FOXN4: variants seen among roughly 807,000 people sequenced by gnomAD.
FOXN4 encodes forkhead box protein N4.
FOXN4 carries 12 observed loss-of-function variants against 45.0 expected under a neutral mutation model. The ratio of observed to expected loss-of-function variants is 0.27; its 90% CI spans 0.17 to 0.43. FOXN4 has a LOEUF of 0.43. FOXN4 is among the 20% of genes least tolerant of loss of function. The pLI, the probability that FOXN4 is intolerant of heterozygous loss-of-function variation, is 1.00. For missense variants in FOXN4, 560 were observed against 694.9 expected (o/e 0.81, Z 2.18); for synonymous variants, 297 against 295.0 (o/e 1.01, Z -0.07).
intron 2 of FOXN4, among the ~76,000 whole-genome samples, chr12:109,303,672 G>A (rs1312279614): frequency 6.6e-6 from 1 of 152,204 alleles, no homozygotes; most frequent in Non-Finnish European, 1.5e-5. Context: ...GGGAGAAGGT[G>A]AGGGTCCAAG....
chr12:109,284,574 T>C (rs1369385371), intron 8 of FOXN4, among the ~76,000 whole-genome samples: 1 of 151,100 alleles, frequency 6.6e-6, no homozygotes, highest in Admixed American at 6.6e-5. Flanking sequence ...TGTGCGTGCG[T>C]GTGTGTGTGC....
At chr12:109,294,804 G>T (rs1209952199) in intron 2 of FOXN4, among the ~76,000 whole-genome samples, 2 of 151,726 alleles carry the variant, frequency 1.3e-5, no homozygotes, top group African/African-American at 4.9e-5. Context: ...CTGCAGAAAG[G>T]TCAGCACGTG....
rs1431731541 is a variant in FOXN4 at position 109,291,284 on chromosome 12, C to T, written c.87-998G>A. Among the ~76,000 whole-genome samples the T allele has an allele frequency of 6.6e-6, 1 of 152,092 alleles. No individual in the cohort carries two copies. The highest frequency in any genetic ancestry group is 2.4e-5 in the African/African-American group (1 of 41,416). ...ACTCCGAGAGCATCGGGTCTTACACCACCATCCGGGCCCTGTCGTGATGGT... is the reference window on the plus strand; with the variant it reads ...ACTCCGAGAGCATCGGGTCTTACACTACCATCCGGGCCCTGTCGTGATGGT... On this transcript the variant is annotated intron_variant, in intron 2 of 9. Transcript: ENST00000299162. This position sits in a 1 kb window ranked among gnomAD's most constrained non-coding sequence, Gnocchi z 6.6.
chr12:109,281,864 T>G (rs2047656867), intron 8 of FOXN4, 65 bp from the exon 9 acceptor site: 1 of 1,486,450 alleles, frequency 6.7e-7, no homozygotes, highest in Non-Finnish European at 8.9e-7. Flanking sequence ...AGCCCAGGCC[T>G]GGGTTCAAAT....
intron 8 of FOXN4, among the ~76,000 whole-genome samples, chr12:109,284,974 A>T (rs1356513297): frequency 6.7e-6 from 1 of 148,952 alleles, no homozygotes; most frequent in Non-Finnish European, 1.5e-5. Flanking sequence ...GCTCCAGTGG[A>T]TGGCAGCCAG....
intron 2 of FOXN4, among the ~76,000 whole-genome samples, chr12:109,306,186 A>G (rs770902277): frequency 1.3e-5 from 2 of 152,106 alleles, no homozygotes; most frequent in Non-Finnish European, 2.9e-5. Flanking sequence ...TGGACTCTCT[A>G]ATGTAACTAA....
In FOXN4 at chr12:109,291,665, T is replaced by C. The variant is rs1036408567; in HGVS notation, c.87-1379A>G. On this transcript the variant is annotated intron_variant, in intron 2 of 9. Transcript: ENST00000299162. This position sits in a 1 kb window ranked among gnomAD's most constrained non-coding sequence, Gnocchi z 6.6. ...ATTAGCGTTGCCATGGCCACACTGCTCAGTTGTCGCAGGGCCGGGCCCTGG... is the reference window on the plus strand; with the variant it reads ...ATTAGCGTTGCCATGGCCACACTGCCCAGTTGTCGCAGGGCCGGGCCCTGG... Among the ~76,000 whole-genome samples, 6 of 152,060 alleles carry C rather than the reference T, an allele frequency of 3.9e-5. No individual in the cohort carries two copies. The highest frequency in any genetic ancestry group is 9.7e-5 in the African/African-American group (4 of 41,416).
chr12:109,302,445 A>G (rs970723281), intron 2 of FOXN4, among the ~76,000 whole-genome samples: 1 of 152,244 alleles, frequency 6.6e-6, no homozygotes, highest in African/African-American at 2.4e-5. Context: ...TGTACAGAGG[A>G]AAGAATATCC....
At chr12:109,304,749 A>C (rs898313929) in intron 2 of FOXN4, among the ~76,000 whole-genome samples, 1 of 152,240 alleles carries the variant, frequency 6.6e-6, no homozygotes, top group Non-Finnish European at 1.5e-5. Context: ...CCACAGCCTA[A>C]GTGGTCCTTG....
At chr12:109,281,904 A>G in intron 8 of FOXN4, 105 bp from the exon 9 acceptor site, 1 of 1,357,038 alleles carries the variant, frequency 7.4e-7, no homozygotes. Flanking sequence ...TGACCTTAGC[A>G]AGCCTCTTGG....
Position 109,308,246 on chromosome 12 carries a change from G to C in FOXN4, c.76C>G (p.Gln26Glu). 1 of 1,550,908 alleles carries C rather than the reference G, an allele frequency of 6.4e-7. No individual in the cohort carries two copies. The highest frequency in any genetic ancestry group is 8.7e-7 in the Non-Finnish European group (1 of 1,146,080). The change falls in exon 2 of 10, where the codon CAG (glutamine) becomes GAG (glutamate). Residue 26 changes from glutamine to glutamate, a missense_variant. Physicochemically the swap from Gln to Glu is conservative, Grantham distance 29. Transcript: ENST00000299162. ...TGTTGGAGCCCTCACCTGTATTCCT[G>C]TGGAGAGGGGTGGTGATTTTGCCCT... Reference protein sequence around the residue: ...NSGQNHHPSPQEYRLLATTSD... With the variant: ...NSGQNHHPSPEEYRLLATTSD...
chr12:109,285,616 G>A (rs2047702742), intron 7 of FOXN4, 105 bp from the exon 8 acceptor site: 1 of 1,194,496 alleles, frequency 8.4e-7, no homozygotes, highest in African/African-American at 1.5e-5. Context: ...GGTGGCAGGA[G>A]TAATTTGACA....
At chr12:109,299,362 ACACACACGTG>A (rs2047847697) in intron 2 of FOXN4, among the ~76,000 whole-genome samples, 1 of 151,386 alleles carries the variant, frequency 6.6e-6, no homozygotes, top group Non-Finnish European at 1.5e-5. Flanking sequence ...ACATGTGTGC[ACACACACGTG>A]CACACACACA....
intron 8 of FOXN4, among the ~76,000 whole-genome samples, chr12:109,284,951 C>T (rs1415893017): frequency 3.5e-5 from 5 of 142,650 alleles, no homozygotes; most frequent in African/African-American, 7.9e-5. Flanking sequence ...TGGGCCTCAC[C>T]GGGATTGGCC....
At chr12:109,308,434 G>A (rs1043499406) in intron 1 of FOXN4, 110 bp from the exon 2 acceptor site, 16 of 670,362 alleles carry the variant, frequency 2.4e-5, no homozygotes, top group Non-Finnish European at 3.3e-5. Flanking sequence ...TCAACTCACA[G>A]AACACTTTTT....
chr12:109,285,244 CGT>C (rs56261774), intron 8 of FOXN4, 58 bp downstream of exon 8: 129,551 of 1,118,832 alleles, frequency 0.12, 283 homozygotes, highest in African/African-American at 0.14. Flanking sequence ...CTTCCTCTTC[CGT>C]GTGTGTGTGT....
At chr12:109,280,118 G>A (rs774719711) in intron 9 of FOXN4, among the ~76,000 whole-genome samples, 188 bp from the exon 10 acceptor site, 21 of 152,154 alleles carry the variant, frequency 1.4e-4, no homozygotes, top group Non-Finnish European at 2.2e-4. Flanking sequence ...CGAGGTGGGT[G>A]GATCACTTGA....
intron 6 of FOXN4, chr12:109,286,975 C>T: frequency 3.6e-6 from 4 of 1,117,270 alleles, no homozygotes; most frequent in Non-Finnish European, 4.9e-6. Context: ...CTTGAGAAAT[C>T]TTACCCTTTC....
chr12:109,293,560 C>T (rs11066138), intron 2 of FOXN4, among the ~76,000 whole-genome samples: 40,596 of 152,134 alleles, frequency 0.27, 5,789 homozygotes, highest in Admixed American at 0.38. Flanking sequence ...TGTAGTGGCA[C>T]GATCTCGGCT....
Sources: allele counts gnomAD v4.1 joint callset (sites outside exome capture counted in the v4.1 genomes callset), GRCh38; gene constraint gnomAD v4.1.1; non-coding constraint Gnocchi (gnomAD v3.1); transcripts MANE v1.5; gene names NCBI Gene and HGNC (gene_info 2026-07-23, HGNC 2026-07-21).